SORCS1: variants seen among roughly 807,000 people sequenced by gnomAD.
SORCS1 encodes sortilin related VPS10 domain containing receptor 1, also known as VPS10 domain-containing receptor SorCS1.
SORCS1 carries 60 observed loss-of-function variants against 146.1 expected under a neutral mutation model. That is an observed-to-expected ratio of 0.41 (90% confidence interval 0.33 to 0.51). The LOEUF is 0.51. SORCS1 is among the 20% of genes least tolerant of loss of function. The pLI, the probability that SORCS1 is intolerant of heterozygous loss-of-function variation, is 0.21. For missense variants in SORCS1, 1,352 were observed against 1,487.6 expected, an observed-to-expected ratio of 0.91 and a Z score of 1.50; for synonymous variants, 637 against 584.0, an observed-to-expected ratio of 1.09 and a Z score of -1.31.
intron 21 of SORCS1, among the ~76,000 whole-genome samples, chr10:106,615,325 C>T (rs1309973144): frequency 6.6e-6 from 1 of 152,210 alleles, no homozygotes; most frequent in Non-Finnish European, 1.5e-5. Context: ...CTTCCCTAAG[C>T]AGTGATTAAC....
At chr10:106,628,834 G>T (rs1848257077) in intron 19 of SORCS1, among the ~76,000 whole-genome samples, 1 of 152,208 alleles carries the variant, frequency 6.6e-6, no homozygotes, top group Non-Finnish European at 1.5e-5. Context: ...ATTGAGTGGT[G>T]CATGTGGATT....
At chr10:106,812,049 G>T (rs1323604976) in intron 3 of SORCS1, among the ~76,000 whole-genome samples, 1 of 152,124 alleles carries the variant, frequency 6.6e-6, no homozygotes, top group Non-Finnish European at 1.5e-5. Context: ...CGCCCAGGCT[G>T]GAGTGCAGTG....
At chr10:106,711,823 C>T (rs1244741258) in intron 6 of SORCS1, among the ~76,000 whole-genome samples, 2 of 152,268 alleles carry the variant, frequency 1.3e-5, no homozygotes, top group Non-Finnish European at 2.9e-5. Flanking sequence ...CCAGAACGAT[C>T]CTCCGTCTAG....
At chr10:106,661,119 A>G (rs1003477384) in intron 17 of SORCS1, among the ~76,000 whole-genome samples, 2 of 152,240 alleles carry the variant, frequency 1.3e-5, no homozygotes, top group Non-Finnish European at 2.9e-5. Flanking sequence ...TTAACCATAT[A>G]TAAGTATCAC....
chr10:106,811,632 T>A (rs370524985), intron 3 of SORCS1, among the ~76,000 whole-genome samples: 1 of 152,166 alleles, frequency 6.6e-6, no homozygotes, highest in Non-Finnish European at 1.5e-5. Flanking sequence ...GAAAGGCAAC[T>A]GGGCATATCT....
chr10:106,684,883 T>C (rs901052666), intron 10 of SORCS1, among the ~76,000 whole-genome samples: 4 of 152,200 alleles, frequency 2.6e-5, no homozygotes, highest in Non-Finnish European at 4.4e-5. Flanking sequence ...CTTTCCTATT[T>C]AGTGCCTTTG....
At chr10:106,660,535 G>A (rs751639645) in intron 17 of SORCS1, among the ~76,000 whole-genome samples, 1 of 152,230 alleles carries the variant, frequency 6.6e-6, no homozygotes, top group East Asian at 1.9e-4. Context: ...TATCTTGATA[G>A]TATAAACATA....
Position 107,062,039 on chromosome 10 carries a change from T to C in SORCS1, c.558+101930A>G, listed in dbSNP as rs111724548. On this transcript the variant is annotated intron_variant, in intron 1 of 25. Transcript: ENST00000263054. ...CATAGCCATCCTCTAAGGCAGGTAT[T>C]GGCACCCCACCTCCAAGTCCCTCAT... Among the ~76,000 whole-genome samples the C allele has an allele frequency of 1.7e-3, 256 of 152,254 alleles. 1 individual carries two copies. Among genetic ancestry groups the C allele is most frequent in the African/African-American group, 4.4e-3 (185 of 41,584 alleles).
At chr10:106,586,818 T>G (rs1845266542) in intron 24 of SORCS1, among the ~76,000 whole-genome samples, 1 of 152,066 alleles carries the variant, frequency 6.6e-6, no homozygotes, top group Non-Finnish European at 1.5e-5. Context: ...TAATTGGATG[T>G]GGTGGTGCGT....
chr10:106,599,596 AT>A (rs1011448887), intron 23 of SORCS1, among the ~76,000 whole-genome samples: 1 of 152,090 alleles, frequency 6.6e-6, no homozygotes, highest in Non-Finnish European at 1.5e-5. Context: ...CAGATACAGA[AT>A]TTCAGAAAAA....
chr10:106,839,754 T>C (rs1273186900), intron 2 of SORCS1, among the ~76,000 whole-genome samples: 1 of 152,234 alleles, frequency 6.6e-6, no homozygotes, highest in African/African-American at 2.4e-5. Flanking sequence ...TGGGGGCTAA[T>C]GCAATTGGTG....
chr10:106,696,774 T>C (rs964515521), intron 9 of SORCS1, among the ~76,000 whole-genome samples: 1 of 152,228 alleles, frequency 6.6e-6, no homozygotes, highest in Non-Finnish European at 1.5e-5. Context: ...CAACAAGACA[T>C]TGCAAAGTCA....
intron 1 of SORCS1, among the ~76,000 whole-genome samples, chr10:107,052,228 A>G (rs1564975218): frequency 1.3e-5 from 2 of 152,140 alleles, no homozygotes; most frequent in Non-Finnish European, 2.9e-5. Context: ...AGACTCATTT[A>G]TCATTTCTCA....
intron 9 of SORCS1, among the ~76,000 whole-genome samples, chr10:106,698,999 T>C (rs1853921507): frequency 6.6e-6 from 1 of 152,178 alleles, no homozygotes; most frequent in Admixed American, 6.5e-5. Flanking sequence ...CCTATGGAGT[T>C]TGTCAAAAAA....
At chr10:106,777,630 C>A (rs2136381962) in intron 3 of SORCS1, among the ~76,000 whole-genome samples, 1 of 152,344 alleles carries the variant, frequency 6.6e-6, no homozygotes. Flanking sequence ...ACGTTTTACA[C>A]TGTCTCATTG....
chr10:106,687,704 G>A (rs1852965319), intron 10 of SORCS1, among the ~76,000 whole-genome samples: 1 of 152,148 alleles, frequency 6.6e-6, no homozygotes, highest in South Asian at 2.1e-4. Context: ...ATACCAATAA[G>A]GGTATAAATC....
At chr10:107,129,108 T>G (rs1590200721) in intron 1 of SORCS1, among the ~76,000 whole-genome samples, 1 of 152,226 alleles carries the variant, frequency 6.6e-6, no homozygotes, top group East Asian at 1.9e-4. Context: ...CAAGTCTTGC[T>G]GGAGCAGGCT....
chr10:106,797,106 CA>C (rs1208835473), intron 3 of SORCS1, among the ~76,000 whole-genome samples: 1 of 152,002 alleles, frequency 6.6e-6, no homozygotes, highest in South Asian at 2.1e-4. Context: ...GACTCAGTCT[CA>C]AAAAGATAAT....
rs76050938 is a variant in SORCS1 at position 106,904,540 on chromosome 10, T to C, written c.626+51973A>G. On this transcript the variant is annotated intron_variant, in intron 2 of 25. Transcript: ENST00000263054. ...TGTTGAGGAGAGCAAGCCTGGTGCC[T>C]AAACTGAGACTTGGGATAGATCATT... Among the ~76,000 whole-genome samples the C allele has an allele frequency of 9.3e-3, 1,409 of 152,262 alleles. 21 individuals carry two copies. Among genetic ancestry groups the C allele is most frequent in the African/African-American group, 0.032 (1,338 of 41,530 alleles).
Sources: allele counts gnomAD v4.1 joint callset (sites outside exome capture counted in the v4.1 genomes callset), GRCh38; gene constraint gnomAD v4.1.1; transcripts MANE v1.5; gene names NCBI Gene and HGNC (gene_info 2026-07-23, HGNC 2026-07-21).